The following COBL variants were observed in gnomAD, a reference collection of about 807,000 sequenced individuals.
COBL encodes the protein protein cordon-bleu.
A neutral mutation model predicts 98.8 loss-of-function variants in COBL; 51 were observed. The observed-to-expected ratio is 0.52, with a 90% CI of 0.41 to 0.65. The LOEUF (loss-of-function observed/expected upper bound fraction) is 0.65. Among genes scored for constraint, COBL ranks in the 30% least tolerant of loss-of-function variants. COBL has a pLI of 0.00. For synonymous variants in COBL, 634 were observed against 651.7 expected, an observed-to-expected ratio of 0.97 and a Z score of 0.41; for missense variants, 1,617 against 1,617.5, an observed-to-expected ratio of 1.00 and a Z score of 0.01.
chr7:51,054,122 A>T (rs1790495701), intron 7 of COBL, among the ~76,000 whole-genome samples: 1 of 152,216 alleles, frequency 6.6e-6, no homozygotes, highest in Non-Finnish European at 1.5e-5. Flanking sequence ...CAGAGGTTGC[A>T]GTGAGCTGGG....
At chr7:51,281,977 A>T (rs1460781691) in intron 1 of COBL, among the ~76,000 whole-genome samples, 1 of 152,134 alleles carries the variant, frequency 6.6e-6, no homozygotes, top group East Asian at 1.9e-4. Flanking sequence ...TAAAATACTG[A>T]TTCTAAGGAG....
chr7:51,082,235 C>T (rs1021780251), intron 7 of COBL, among the ~76,000 whole-genome samples: 6 of 152,138 alleles, frequency 3.9e-5, no homozygotes, highest in Non-Finnish European at 7.3e-5. Flanking sequence ...GGCTCCTGGC[C>T]GCATGCACAG....
intron 4 of COBL, among the ~76,000 whole-genome samples, chr7:51,187,335 C>T (rs4948199): frequency 0.043 from 5,868 of 136,344 alleles, 172 homozygotes; most frequent in Middle Eastern, 0.088. Context: ...TATATATACA[C>T]ACACACACAC....
intron 7 of COBL, chr7:51,065,313 G>A (rs1791803482): frequency 1.4e-6 from 1 of 703,536 alleles, no homozygotes; most frequent in East Asian, 2.7e-5. Flanking sequence ...AAGAGAAACA[G>A]GAACACTTGA....
At chr7:51,133,779 C>T (rs1274585444) in intron 6 of COBL, among the ~76,000 whole-genome samples, 1 of 152,144 alleles carries the variant, frequency 6.6e-6, no homozygotes, top group Non-Finnish European at 1.5e-5. Flanking sequence ...TCAAAAAATA[C>T]CTTTAGAAAT....
chr7:51,022,008 T>C (rs1346446324), intron 12 of COBL, among the ~76,000 whole-genome samples: 1 of 152,106 alleles, frequency 6.6e-6, no homozygotes, highest in Admixed American at 6.5e-5. Flanking sequence ...GGAGGGCAGG[T>C]CGATCACCCA....
intron 2 of COBL, among the ~76,000 whole-genome samples, chr7:51,216,287 T>C (rs980016381): frequency 1.3e-5 from 2 of 152,170 alleles, no homozygotes; most frequent in African/African-American, 4.8e-5. Context: ...TTCAAGTGAT[T>C]CTCCTGCCTC....
At chr7:51,045,645 G>A (rs1201184423) in intron 7 of COBL, among the ~76,000 whole-genome samples, 2 of 152,186 alleles carry the variant, frequency 1.3e-5, no homozygotes, top group African/African-American at 4.8e-5. Flanking sequence ...AGGCCCCTTG[G>A]AGGAGGCCCT....
At chr7:51,032,436 G>A (rs1183635390) in intron 8 of COBL, 2 of 152,236 alleles carry the variant, frequency 1.3e-5, no homozygotes, top group Non-Finnish European at 2.9e-5. Flanking sequence ...CTGAAGGTTT[G>A]TTTTCCGCTG....
chr7:51,070,179 T>C (rs1194534047), intron 7 of COBL, among the ~76,000 whole-genome samples: 1 of 152,206 alleles, frequency 6.6e-6, no homozygotes, highest in Non-Finnish European at 1.5e-5. Context: ...TTACCAATTA[T>C]GCGTTGCTAT....
chr7:51,161,363 A>C (rs1786787052), intron 5 of COBL, among the ~76,000 whole-genome samples: 1 of 152,180 alleles, frequency 6.6e-6, no homozygotes, highest in African/African-American at 2.4e-5. Flanking sequence ...TTTCCTTTAA[A>C]ATGTAGCTTT....
chr7:51,281,799 T>C (rs1799839903), intron 1 of COBL, among the ~76,000 whole-genome samples: 1 of 152,154 alleles, frequency 6.6e-6, no homozygotes, highest in African/African-American at 2.4e-5. Flanking sequence ...GTTCTTCAGA[T>C]AGAATAGAAA....
chr7:51,237,239 C>T (rs1795339863), intron 1 of COBL, among the ~76,000 whole-genome samples: 1 of 152,150 alleles, frequency 6.6e-6, no homozygotes, highest in South Asian at 2.1e-4. Context: ...TCTTTAATAA[C>T]TCACAAGAGC....
chr7:51,292,760 C>T (rs1396573437), intron 1 of COBL, among the ~76,000 whole-genome samples: 3 of 152,240 alleles, frequency 2.0e-5, no homozygotes, highest in Non-Finnish European at 4.4e-5. Context: ...CCTTCCAAGG[C>T]CCGTGGCTTG....
At chr7:51,135,465 G>A (rs1269596736) in intron 6 of COBL, among the ~76,000 whole-genome samples, 4 of 151,924 alleles carry the variant, frequency 2.6e-5, no homozygotes, top group Admixed American at 1.3e-4. Flanking sequence ...ATGGACAGAC[G>A]GACATACCTG....
chr7:51,248,197 A>T (rs1308275416), intron 1 of COBL, among the ~76,000 whole-genome samples: 1 of 152,218 alleles, frequency 6.6e-6, no homozygotes, highest in Non-Finnish European at 1.5e-5. Context: ...AGAGTTTAAT[A>T]TAAAGAATTT....
intron 1 of COBL, among the ~76,000 whole-genome samples, chr7:51,268,171 T>A (rs961194519): frequency 1.3e-5 from 2 of 152,184 alleles, no homozygotes; most frequent in African/African-American, 4.8e-5. Context: ...TAAAGAAATC[T>A]CTTCCTCAGC....
At chr7:51,165,997 G>A (rs1029338109) in intron 5 of COBL, among the ~76,000 whole-genome samples, 3 of 151,848 alleles carry the variant, frequency 2.0e-5, no homozygotes, top group Non-Finnish European at 4.4e-5. Context: ...AGTCATATAT[G>A]CCTATGTCAA....
rs1468554245 is a variant in COBL, at chr7:51,316,787, C to CT, written c.-155_-154insA. On this transcript the variant is annotated 5_prime_UTR_variant, in exon 1 of 13. Coordinates refer to ENST00000265136, the MANE Select transcript of COBL (RefSeq NM_015198.5). ...GAGGACAGCGGCGGAGCGCGGCGGA[C>CT]GGAAGGGGCTGGAATCGTCTCTAGC... is the stretch of plus-strand genomic sequence containing the variant. 4 of 525,726 alleles carry CT rather than the reference C, an allele frequency of 7.6e-6. No individual in the cohort carries two copies. In the Admixed American group the frequency reaches 1.9e-4, roughly 26 times the overall value. 32.6% of individuals were successfully genotyped at this position (525,726 alleles called of 1,614,324 possible). A position where few individuals can be genotyped will look rare whatever the true frequency, so the allele number is the denominator to read the frequency against.
Sources: allele counts gnomAD v4.1 joint callset (sites outside exome capture counted in the v4.1 genomes callset), GRCh38; gene constraint gnomAD v4.1.1; transcripts MANE v1.5; gene names NCBI Gene and HGNC (gene_info 2026-07-23, HGNC 2026-07-21).